Variants in DPYSL3 observed in about 807,000 individuals in gnomAD.
DPYSL3 encodes the protein dihydropyrimidinase-related protein 3.
Under a neutral mutation model 66.1 loss-of-function variants are expected in DPYSL3, and 16 were observed. The observed-to-expected ratio is 0.24, with a 90% confidence interval of 0.16 to 0.37. DPYSL3 has a LOEUF of 0.37. Among genes scored for constraint, DPYSL3 ranks in the 10% least tolerant of loss-of-function variants. The pLI, the probability that DPYSL3 is intolerant of heterozygous loss-of-function variation, is 1.00. For missense variants in DPYSL3, 738 were observed against 916.2 expected (o/e 0.81, Z 2.51); for synonymous variants, 338 against 345.1 (o/e 0.98, Z 0.23).
intron 1 of DPYSL3, among the ~76,000 whole-genome samples, chr5:147,449,611 A>G (rs1752689680): frequency 6.6e-6 from 1 of 152,188 alleles, no homozygotes; most frequent in Admixed American, 6.5e-5. Flanking sequence ...GAAGCTGGAC[A>G]AGGCCTAGCT....
At chr5:147,477,304 G>C (rs1446899009) in intron 1 of DPYSL3, among the ~76,000 whole-genome samples, 1 of 151,924 alleles carries the variant, frequency 6.6e-6, no homozygotes, top group Non-Finnish European at 1.5e-5. Flanking sequence ...TGTGAGCCAG[G>C]ATATAACTAT....
chr5:147,405,697 T>C lies in DPYSL3; in HGVS notation c.1066A>G (p.Ile356Val). The C allele has an allele frequency of 6.2e-7, 1 of 1,614,016 alleles. No homozygotes were observed. The highest frequency in any genetic ancestry group is 8.5e-7 in the Non-Finnish European group (1 of 1,179,930). The change falls in exon 8 of 14, where the codon ATT becomes GTT. Residue 356 changes from isoleucine to valine, a missense_variant. Coordinates refer to ENST00000343218, the MANE Select transcript of DPYSL3 (RefSeq NM_001197294.2). ...AGAGGGCAATTGGTTTGGCTGGCAA[T>C]GGTGATGGCACGGAACACAGCCTCA... is the stretch of plus-strand genomic sequence containing the variant. Reference protein sequence around the residue: ...EAEAVFRAITIASQTNCPLYV... With the variant: ...EAEAVFRAITVASQTNCPLYV...
intron 1 of DPYSL3, among the ~76,000 whole-genome samples, chr5:147,493,317 A>G (rs1368363): frequency 0.36 from 54,436 of 152,108 alleles, 10,113 homozygotes; most frequent in Non-Finnish European, 0.36. Flanking sequence ...TCATGTCTGT[A>G]ATTCCAGCAA....
At position 147,397,975 on chromosome 5, in the gene DPYSL3, C is replaced by G. The variant is rs1020239910; in HGVS notation, c.1624-130G>C. Reference sequence around the variant, plus strand: ...AAGCCAGGAAAAGCTCACCATGCATCTGCAAGCATCCAGTGGGTAGAAGGC... The same window carrying G: ...AAGCCAGGAAAAGCTCACCATGCATGTGCAAGCATCCAGTGGGTAGAAGGC... On this transcript the variant is annotated intron_variant, in intron 11 of 13. Coordinates refer to ENST00000343218, the MANE Select transcript of DPYSL3 (RefSeq NM_001197294.2). 5.5e-6 allele frequency: 5 copies of G among 908,690 alleles called. No individual in the cohort carries two copies. In the African/African-American group the frequency reaches 6.7e-5, roughly 12 times the overall value. 56.3% of individuals were successfully genotyped at this position (908,690 alleles called of 1,614,324 possible).
chr5:147,458,079 G>T (rs540950021), intron 1 of DPYSL3, among the ~76,000 whole-genome samples: 1 of 152,264 alleles, frequency 6.6e-6, no homozygotes, highest in South Asian at 2.1e-4. Context: ...AGTGTCAGAG[G>T]CGTGTTAACC....
In DPYSL3 at chr5:147,397,701, C is replaced by T. The variant is rs200874080; in HGVS notation, c.1768G>A (p.Asp590Asn). The T allele has an allele frequency of 6.1e-5, 98 of 1,613,980 alleles. No homozygotes were observed. Among genetic ancestry groups the T allele is most frequent in the Non-Finnish European group, 7.9e-5 (93 of 1,180,026 alleles). The change falls in exon 12 of 14, where the codon GAC (aspartate) becomes AAC (asparagine). Residue 590 changes from aspartate (D) to asparagine (N), a missense_variant. Physicochemically the swap from Asp to Asn is conservative, Grantham distance 23. Coordinates refer to ENST00000343218, the MANE Select transcript of DPYSL3 (RefSeq NM_001197294.2). ...GCTTTAATGCGCTTGTAGACATAGTCGGAGAACGGGCTGCAGGGTATGAAG... is the reference window on the plus strand; with the variant it reads ...GCTTTAATGCGCTTGTAGACATAGTTGGAGAACGGGCTGCAGGGTATGAAG... ...GRFIPCSPFS[D>N]YVYKRIKARR...
chr5:147,463,371 G>A (rs986773874), intron 1 of DPYSL3, among the ~76,000 whole-genome samples: 1 of 152,080 alleles, frequency 6.6e-6, no homozygotes, highest in Admixed American at 6.6e-5. Context: ...ACCTTATATG[G>A]AAAGAAAACA....
At chr5:147,492,157 T>A (rs1332523963) in intron 1 of DPYSL3, among the ~76,000 whole-genome samples, 1 of 151,948 alleles carries the variant, frequency 6.6e-6, no homozygotes, top group African/African-American at 2.4e-5. Context: ...TTCAGAGAAA[T>A]AAAAAACATC....
At chr5:147,505,633 A>T (rs1753676312) in intron 1 of DPYSL3, among the ~76,000 whole-genome samples, 1 of 152,262 alleles carries the variant, frequency 6.6e-6, no homozygotes, top group South Asian at 2.1e-4. Flanking sequence ...GTTAATAATT[A>T]GGTATGCTAG....
At chr5:147,492,327 C>A (rs1252141420) in intron 1 of DPYSL3, among the ~76,000 whole-genome samples, 1 of 151,946 alleles carries the variant, frequency 6.6e-6, no homozygotes, top group African/African-American at 2.4e-5. Context: ...AAACTTGGAT[C>A]TACATAAAGA....
At chr5:147,453,279 C>G (rs1466736672) in intron 1 of DPYSL3, among the ~76,000 whole-genome samples, 1 of 152,212 alleles carries the variant, frequency 6.6e-6, no homozygotes, top group Non-Finnish European at 1.5e-5. Flanking sequence ...TGGGGAACTA[C>G]CGGCGGTGGG....
At chr5:147,430,981 A>G (rs1335509862) in intron 1 of DPYSL3, among the ~76,000 whole-genome samples, 1 of 152,226 alleles carries the variant, frequency 6.6e-6, no homozygotes, top group Non-Finnish European at 1.5e-5. Context: ...ATATTTTGTT[A>G]CCTGCATTAA....
chr5:147,509,946 T>C lies in DPYSL3; in HGVS notation c.-88A>G. 1.4e-6 allele frequency: 2 copies of C among 1,437,802 alleles called. No individual in the cohort carries two copies. Among genetic ancestry groups the C allele is most frequent in the South Asian group, 2.9e-5 (2 of 68,110 alleles). The allele number at this position is 1,437,802 out of a possible 1,614,324, so 89.1% of individuals were successfully genotyped here. ...GCAGCGTGCGCCGAGCCACAGTGAC[T>C]GTGGCGGGAGGAGGCGCCTGAGCCT... On this transcript the variant is annotated 5_prime_UTR_variant, in exon 1 of 14. Coordinates refer to ENST00000343218, the MANE Select transcript of DPYSL3 (RefSeq NM_001197294.2). This position sits in a 1 kb window ranked among gnomAD's most constrained non-coding sequence, Gnocchi z 5.3.
At chr5:147,425,137 G>A (rs1432887857) in intron 1 of DPYSL3, among the ~76,000 whole-genome samples, 174 bp from the exon 2 acceptor site, 2 of 152,102 alleles carry the variant, frequency 1.3e-5, no homozygotes, top group South Asian at 2.1e-4. Context: ...TTGGGGATCC[G>A]GTCTTTCTTG....
At chr5:147,418,958 A>C (rs1752030138) in intron 2 of DPYSL3, among the ~76,000 whole-genome samples, 1 of 152,088 alleles carries the variant, frequency 6.6e-6, no homozygotes, top group Non-Finnish European at 1.5e-5. Context: ...TATTCCTTTC[A>C]TTTTGTTCTT....
At chr5:147,499,735 C>T (rs1753574140) in intron 1 of DPYSL3, among the ~76,000 whole-genome samples, 1 of 152,036 alleles carries the variant, frequency 6.6e-6, no homozygotes, top group Admixed American at 6.6e-5. Context: ...AGGCAAAAGA[C>T]CCAGAATAGC....
At chr5:147,446,692 C>T (rs956852243) in intron 1 of DPYSL3, among the ~76,000 whole-genome samples, 39 of 152,368 alleles carry the variant, frequency 2.6e-4, no homozygotes, top group African/African-American at 9.4e-4. Context: ...GGCAGAAAAA[C>T]AGCATCTGCT....
chr5:147,436,320 C>T (rs73794731), intron 1 of DPYSL3, among the ~76,000 whole-genome samples: 3,845 of 152,264 alleles, frequency 0.025, 155 homozygotes, highest in African/African-American at 0.087. Flanking sequence ...TTATGGCCAC[C>T]TTTAAATCTA....
chr5:147,494,259 A>G (rs1753462836), intron 1 of DPYSL3, among the ~76,000 whole-genome samples: 2 of 152,206 alleles, frequency 1.3e-5, no homozygotes. Flanking sequence ...ATTAAAAAAG[A>G]AGAAATATCT....
Sources: allele counts gnomAD v4.1 joint callset (sites outside exome capture counted in the v4.1 genomes callset), GRCh38; gene constraint gnomAD v4.1.1; non-coding constraint Gnocchi (gnomAD v3.1); transcripts MANE v1.5; gene names NCBI Gene and HGNC (gene_info 2026-07-23, HGNC 2026-07-21).